The following SRD5A2 variants were observed in gnomAD, a reference collection of about 807,000 sequenced individuals.
SRD5A2 encodes the protein steroid 5 alpha-reductase 2, also known as 3-oxo-5-alpha-steroid 4-dehydrogenase 2.
SRD5A2 carries 30 observed loss-of-function variants against 27.4 expected under a neutral mutation model. The ratio of observed to expected loss-of-function variants is 1.10; its 90% CI spans 0.82 to 1.49. The LOEUF (loss-of-function observed/expected upper bound fraction) is 1.49. Ranked by LOEUF, SRD5A2 falls within the 40% of genes most tolerant of loss-of-function variation. SRD5A2 has a pLI of 0.00. For synonymous variants in SRD5A2, 141 were observed against 133.6 expected (o/e 1.06, Z -0.38); for missense variants, 348 against 323.4 (o/e 1.08, Z -0.58).
At chr2:31,654,742 T>C in the SRD5A2 span, among the ~76,000 whole-genome samples, 15 of 152,210 alleles carry the variant, frequency 9.9e-5, no homozygotes, top group Non-Finnish European at 2.2e-4. Context: ...TAGACAGAAC[T>C]AAAACACTCT....
intron 1 of SRD5A2, among the ~76,000 whole-genome samples, chr2:31,558,991 A>T (rs958197535): frequency 1.3e-5 from 2 of 152,232 alleles, no homozygotes; most frequent in African/African-American, 4.8e-5. Context: ...TAGAGAAAAC[A>T]TGAATTTAGG....
At position 31,580,658 on chromosome 2, in the gene SRD5A2, C is replaced by G; in HGVS notation, c.243G>C (p.Thr81=). 3 of 1,591,470 alleles carry G rather than the reference C, an allele frequency of 1.9e-6. No homozygotes were observed. Among genetic ancestry groups the G allele is most frequent in the Non-Finnish European group, 1.7e-6 (2 of 1,175,196 alleles). Residue 81 remains threonine, a synonymous_variant, in exon 1 of 5, where the codon ACG becomes ACC. Transcript: ENST00000622030. The stretch of plus-strand genomic sequence containing the variant: ...GTAGGCAGAAGAGGCCCAGAAGTAC[C>G]GTCCCAGGTGGCCCGAAGAGGGAGA... ...QPLSLFGPPG[T]VLLGLFCLHY...
At chr2:31,590,417 G>A in the SRD5A2 span, among the ~76,000 whole-genome samples, 1 of 152,050 alleles carries the variant, frequency 6.6e-6, no homozygotes, top group Non-Finnish European at 1.5e-5. Flanking sequence ...GGATTCCTAG[G>A]TATTTTATTC....
At chr2:31,647,416 A>G in the SRD5A2 span, among the ~76,000 whole-genome samples, 1 of 152,186 alleles carries the variant, frequency 6.6e-6, no homozygotes, top group Non-Finnish European at 1.5e-5. Context: ...TTTCTTAATA[A>G]AACATATCGT....
At chr2:31,538,582 C>T (rs1214974632) in intron 1 of SRD5A2, among the ~76,000 whole-genome samples, 1 of 152,164 alleles carries the variant, frequency 6.6e-6, no homozygotes, top group Non-Finnish European at 1.5e-5. Flanking sequence ...TCCTTCATGA[C>T]TAAATGAAAG....
chr2:31,553,875 T>C (rs1666432284), intron 1 of SRD5A2, among the ~76,000 whole-genome samples: 1 of 152,192 alleles, frequency 6.6e-6, no homozygotes, highest in African/African-American at 2.4e-5. Context: ...CTGTGGCTGC[T>C]GTAACAGGGG....
At chr2:31,583,021 A>G (rs921269068), upstream of SRD5A2, among the ~76,000 whole-genome samples, 24 of 152,088 alleles carry the variant, frequency 1.6e-4, no homozygotes, top group Non-Finnish European at 3.4e-4. Flanking sequence ...TTTCTCCACT[A>G]TTATAACAAT....
the SRD5A2 span, among the ~76,000 whole-genome samples, chr2:31,631,080 A>T: frequency 7.2e-5 from 11 of 152,274 alleles, 2 homozygotes; most frequent in African/African-American, 2.6e-4. Context: ...CCCAATCCTG[A>T]CTCAAAAGGT....
chr2:31,544,794 A>T (rs1468382429), intron 1 of SRD5A2, among the ~76,000 whole-genome samples: 1 of 151,928 alleles, frequency 6.6e-6, no homozygotes, highest in African/African-American at 2.4e-5. Flanking sequence ...TAAAAATGAC[A>T]ATTCTACACT....
chr2:31,588,994 A>G, the SRD5A2 span, among the ~76,000 whole-genome samples: 1 of 152,164 alleles, frequency 6.6e-6, no homozygotes, highest in Admixed American at 6.5e-5. Context: ...AGACCCTTTG[A>G]AAGAAGCAGT....
the SRD5A2 span, among the ~76,000 whole-genome samples, chr2:31,639,749 C>G: frequency 6.6e-6 from 1 of 151,944 alleles, no homozygotes; most frequent in Non-Finnish European, 1.5e-5. Flanking sequence ...TTATTTGCAT[C>G]TTTTCTTTTG....
chr2:31,630,864 A>G, the SRD5A2 span, among the ~76,000 whole-genome samples: 1 of 152,222 alleles, frequency 6.6e-6, no homozygotes, highest in Non-Finnish European at 1.5e-5. Context: ...GACCAGACCT[A>G]GAAGGAACTC....
rs1666200659 is a variant in SRD5A2 at position 31,544,362 on chromosome 2, AC to A, written c.282-10597del. Among the ~76,000 whole-genome samples the A allele has an allele frequency of 3.3e-5, 5 of 152,140 alleles. No individual in the cohort carries two copies. In the South Asian group the frequency reaches 1.0e-3, roughly 32 times the overall value. ...AACAGAAATATACAAAACAACTCTG[AC>A]CACAACAGGATAAAGTTAGAAATCA... is the stretch of plus-strand genomic sequence containing the variant. On this transcript the variant is annotated intron_variant, in intron 1 of 4. Coordinates refer to ENST00000622030, the MANE Select transcript of SRD5A2 (RefSeq NM_000348.4).
chr2:31,576,032 C>T (rs1666953457), intron 1 of SRD5A2, among the ~76,000 whole-genome samples: 1 of 151,808 alleles, frequency 6.6e-6, no homozygotes, highest in Admixed American at 6.6e-5. Flanking sequence ...AGACCTAAAA[C>T]CATAAAAACC....
chr2:31,586,360 G>A, the SRD5A2 span, among the ~76,000 whole-genome samples: 1 of 152,350 alleles, frequency 6.6e-6, no homozygotes, highest in African/African-American at 2.4e-5. Flanking sequence ...CACAGACCTG[G>A]ATGGCTTTTC....
At chr2:31,603,145 GA>G in the SRD5A2 span, among the ~76,000 whole-genome samples, 6 of 152,050 alleles carry the variant, frequency 3.9e-5, no homozygotes, top group Admixed American at 2.0e-4. Flanking sequence ...GAGAATGGGA[GA>G]AAATTTTTTC....
intron 1 of SRD5A2, among the ~76,000 whole-genome samples, chr2:31,551,947 T>C (rs1666388962): frequency 6.6e-6 from 1 of 151,758 alleles, no homozygotes. Flanking sequence ...TGGAGGAAAA[T>C]TAGCCTTTCA....
chr2:31,538,505 A>G (rs1412696768), intron 1 of SRD5A2, among the ~76,000 whole-genome samples: 1 of 152,190 alleles, frequency 6.6e-6, no homozygotes, highest in Admixed American at 6.5e-5. Flanking sequence ...ACTCCACCGC[A>G]ATCTATTCTC....
the SRD5A2 span, among the ~76,000 whole-genome samples, chr2:31,618,392 T>C: frequency 2.2e-4 from 34 of 152,244 alleles, no homozygotes; most frequent in South Asian, 6.8e-3. Flanking sequence ...ATTTTCAGCA[T>C]TATTCATAAT....
Sources: allele counts gnomAD v4.1 joint callset (sites outside exome capture counted in the v4.1 genomes callset), GRCh38; gene constraint gnomAD v4.1.1; transcripts MANE v1.5; gene names NCBI Gene and HGNC (gene_info 2026-07-23, HGNC 2026-07-21).